FAM13C: variants seen among roughly 807,000 people sequenced by gnomAD.
The protein encoded by FAM13C is protein FAM13C.
FAM13C carries 37 observed loss-of-function variants against 73.2 expected under a neutral mutation model. The observed-to-expected ratio is 0.51, with a 90% CI of 0.39 to 0.67. The LOEUF is 0.67. Ranked by LOEUF, FAM13C falls within the 30% of genes least tolerant of loss-of-function variation. The pLI, the probability that FAM13C is intolerant of heterozygous loss-of-function variation, is 0.00. For missense variants in FAM13C, 589 were observed against 715.6 expected (o/e 0.82, Z 2.02); for synonymous variants, 246 against 260.9 (o/e 0.94, Z 0.55).
At chr10:59,254,898 A>G (rs1841802477) in intron 10 of FAM13C, among the ~76,000 whole-genome samples, 4 of 152,212 alleles carry the variant, frequency 2.6e-5, no homozygotes, top group African/African-American at 9.6e-5. Context: ...CTGGCCAGAA[A>G]GTCATTTATA....
chr10:59,291,697 C>T (rs1846238248), intron 5 of FAM13C, among the ~76,000 whole-genome samples: 1 of 151,658 alleles, frequency 6.6e-6, no homozygotes, highest in African/African-American at 2.4e-5. Context: ...GATTTCACCT[C>T]ATTATGATAT....
intron 3 of FAM13C, among the ~76,000 whole-genome samples, chr10:59,329,828 C>T (rs1310527753): frequency 3.9e-5 from 6 of 152,120 alleles, no homozygotes; most frequent in Non-Finnish European, 8.8e-5. Flanking sequence ...AAACTAGGCA[C>T]CTTCTATGTA....
At chr10:59,255,326 A>G (rs930558233) in intron 10 of FAM13C, among the ~76,000 whole-genome samples, 1 of 152,212 alleles carries the variant, frequency 6.6e-6, no homozygotes, top group Non-Finnish European at 1.5e-5. Flanking sequence ...ATCCACTAAT[A>G]TATTCTATAC....
At chr10:59,326,868 G>T (rs1225029635) in intron 3 of FAM13C, among the ~76,000 whole-genome samples, 3 of 152,074 alleles carry the variant, frequency 2.0e-5, no homozygotes, top group Admixed American at 6.6e-5. Flanking sequence ...GATAATATAT[G>T]ATTATTGCAA....
intron 3 of FAM13C, among the ~76,000 whole-genome samples, chr10:59,350,085 A>T (rs1007926532): frequency 6.6e-6 from 1 of 152,186 alleles, no homozygotes; most frequent in African/African-American, 2.4e-5. Context: ...TAATTGGAAA[A>T]TTCCATTATT....
At chr10:59,300,263 G>A (rs554466391) in intron 5 of FAM13C, among the ~76,000 whole-genome samples, 3 of 152,314 alleles carry the variant, frequency 2.0e-5, no homozygotes, top group East Asian at 3.9e-4. Context: ...AATGTATAAG[G>A]TACGTAGGTA....
intron 4 of FAM13C, among the ~76,000 whole-genome samples, chr10:59,308,157 A>T (rs1340447614): frequency 6.6e-6 from 1 of 152,152 alleles, no homozygotes; most frequent in Non-Finnish European, 1.5e-5. Flanking sequence ...GGGGACCAAA[A>T]TGAGTCAGCC....
intron 10 of FAM13C, among the ~76,000 whole-genome samples, chr10:59,255,070 A>G (rs557932748): frequency 6.6e-6 from 1 of 152,186 alleles, no homozygotes; most frequent in Non-Finnish European, 1.5e-5. Context: ...CCAGACATTG[A>G]TTTTTCTTCT....
intron 1 of FAM13C, chr10:59,360,927 G>T (rs1241648358): frequency 2.6e-6 from 2 of 759,870 alleles, no homozygotes; most frequent in Admixed American, 4.8e-5. Flanking sequence ...AACCTGCCGT[G>T]CCTGTGACTG....
chr10:59,249,812 A>G (rs916212872), intron 13 of FAM13C, among the ~76,000 whole-genome samples: 1 of 152,324 alleles, frequency 6.6e-6, no homozygotes, highest in Admixed American at 6.5e-5. Flanking sequence ...TCATAGACAA[A>G]TACAGACTTA....
rs192691323 is a variant in FAM13C at position 59,268,518 on chromosome 10, C to A, written c.942+35G>T. ...TGAGGAGAATCCAGACACCTCTGAC[C>A]AATCCGCTCCTATGTCAAACCCCAG... On this transcript the variant is annotated intron_variant, in intron 8 of 13. Transcript: ENST00000618804. 3.3e-5 allele frequency: 53 copies of A among 1,610,174 alleles called. No individual in the cohort carries two copies. The Admixed American group carries it at 7.2e-4, about 22-fold the overall frequency.
At chr10:59,249,656 G>A (rs1244893604) in intron 13 of FAM13C, among the ~76,000 whole-genome samples, 3 of 152,048 alleles carry the variant, frequency 2.0e-5, no homozygotes, top group Non-Finnish European at 4.4e-5. Flanking sequence ...TTAACTTATG[G>A]ATGCTTAGGC....
At chr10:59,362,130 C>T (rs1856489656) in intron 1 of FAM13C, among the ~76,000 whole-genome samples, 1 of 152,124 alleles carries the variant, frequency 6.6e-6, no homozygotes, top group Admixed American at 6.5e-5. Flanking sequence ...AAAATCTGAG[C>T]TCCAAGAACA....
intron 6 of FAM13C, among the ~76,000 whole-genome samples, chr10:59,281,081 C>T (rs1026796667): frequency 5.9e-5 from 9 of 152,132 alleles, no homozygotes; most frequent in African/African-American, 9.7e-5. Context: ...ACATGTAAGG[C>T]TCAGAGATAA....
chr10:59,325,145 A>G (rs1422302662), intron 3 of FAM13C, among the ~76,000 whole-genome samples: 1 of 152,178 alleles, frequency 6.6e-6, no homozygotes, highest in Non-Finnish European at 1.5e-5. Flanking sequence ...AAATTATTCA[A>G]GCAATGCAGT....
chr10:59,310,023 G>A (rs936448237), intron 4 of FAM13C, among the ~76,000 whole-genome samples: 2 of 152,212 alleles, frequency 1.3e-5, no homozygotes, highest in Non-Finnish European at 2.9e-5. Flanking sequence ...TCCCTGAAGA[G>A]ATCTATGAAA....
chr10:59,319,946 A>G (rs1010468578), intron 4 of FAM13C, among the ~76,000 whole-genome samples: 17 of 152,202 alleles, frequency 1.1e-4, no homozygotes, highest in African/African-American at 3.6e-4. Context: ...AATATCAGCC[A>G]TCACCATATG....
chr10:59,338,159 C>T (rs983598364), intron 3 of FAM13C, among the ~76,000 whole-genome samples: 41 of 152,136 alleles, frequency 2.7e-4, no homozygotes, highest in African/African-American at 8.2e-4. Context: ...TCATATTATC[C>T]CTCATTTTTC....
chr10:59,355,306 A>T (rs1855566994), intron 2 of FAM13C, among the ~76,000 whole-genome samples: 1 of 152,180 alleles, frequency 6.6e-6, no homozygotes, highest in African/African-American at 2.4e-5. Flanking sequence ...CAGTAAGTGG[A>T]CTTTAAAGTC....
Sources: gnomAD v4.1 joint callset for allele counts (sites outside exome capture counted in the v4.1 genomes callset) on GRCh38, gnomAD v4.1.1 for gene constraint, MANE v1.5 for transcripts, NCBI Gene and HGNC (gene_info 2026-07-23, HGNC 2026-07-21) for gene names.